The following CSMD1 variants were observed in gnomAD, a reference collection of about 807,000 sequenced individuals.
CSMD1 encodes CUB and Sushi multiple domains 1, also known as CUB and sushi domain-containing protein 1.
In CSMD1, 213 loss-of-function variants were observed where a neutral mutation model predicts 417.5. The observed-to-expected ratio is 0.51, with a 90% CI of 0.46 to 0.57. The LOEUF (loss-of-function observed/expected upper bound fraction) is 0.57. Among genes scored for constraint, CSMD1 ranks in the 20% least tolerant of loss-of-function variants. CSMD1 has a pLI of 0.00. For missense variants in CSMD1, 6,923 were observed against 4,529.7 expected, an observed-to-expected ratio of 1.53 and a Z score of -15.17; for synonymous variants, 2,862 against 1,736.8, an observed-to-expected ratio of 1.65 and a Z score of -16.11.
chr8:4,527,290 A>G (rs1563257860), intron 2 of CSMD1, among the ~76,000 whole-genome samples: 1 of 152,316 alleles, frequency 6.6e-6, no homozygotes, highest in Middle Eastern at 3.4e-3. Flanking sequence ...ATCAGGAATG[A>G]GCTGTGTAGC....
chr8:4,510,865 C>T (rs1802786344), intron 2 of CSMD1, among the ~76,000 whole-genome samples: 1 of 145,848 alleles, frequency 6.9e-6, no homozygotes, highest in African/African-American at 2.5e-5. Context: ...CCTTCCCTTC[C>T]CTTCCTTCCT....
Position 2,935,607 on chromosome 8 carries a change from CTACAT to C in CSMD1, c.*2973_*2977del, listed in dbSNP as rs1412902157. The C allele has an allele frequency of 5.3e-5, 8 of 151,914 alleles. No individual in the cohort carries two copies. Among genetic ancestry groups the C allele is most frequent in the African/African-American group, 1.9e-4 (8 of 41,328 alleles). 9.4% of individuals were successfully genotyped at this position (151,914 alleles called of 1,614,324 possible). On this transcript the variant is annotated 3_prime_UTR_variant, in exon 70 of 70. Transcript: ENST00000635120. ...AAACATTTATTTTTTAACAATGTAC[CTACAT>C]TAATCAAAAAATTACAGCATATTTA...
At chr8:3,109,997 G>A (rs1816396116) in intron 43 of CSMD1, among the ~76,000 whole-genome samples, 161 bp downstream of exon 43, 1 of 152,128 alleles carries the variant, frequency 6.6e-6, no homozygotes, top group African/African-American at 2.4e-5. Context: ...TGTACTATGT[G>A]AAATTGATTC....
At chr8:4,787,905 A>T in intron 1 of CSMD1, 1 of 1,587,082 alleles carries the variant, frequency 6.3e-7, no homozygotes, top group Non-Finnish European at 8.6e-7. Context: ...GTGTTGATGT[A>T]ACCACAAAGA....
chr8:4,206,834 T>G (rs1427371477), intron 3 of CSMD1, among the ~76,000 whole-genome samples: 2 of 152,208 alleles, frequency 1.3e-5, no homozygotes, highest in Non-Finnish European at 2.9e-5. Flanking sequence ...AGTGATTATT[T>G]TGTGGGCTCC....
At chr8:3,953,478 G>A (rs943429305) in intron 5 of CSMD1, among the ~76,000 whole-genome samples, 5 of 152,114 alleles carry the variant, frequency 3.3e-5, no homozygotes, top group Admixed American at 6.5e-5. Flanking sequence ...CACAGAGAGA[G>A]GTGTATGGGC....
intron 5 of CSMD1, among the ~76,000 whole-genome samples, chr8:3,987,070 T>A (rs1255850708): frequency 6.6e-6 from 1 of 152,212 alleles, no homozygotes; most frequent in Non-Finnish European, 1.5e-5. Flanking sequence ...GTTAAAGTGA[T>A]TTCTATCATT....
chr8:3,170,320 G>A (rs1008531930), intron 37 of CSMD1, among the ~76,000 whole-genome samples: 5 of 152,090 alleles, frequency 3.3e-5, no homozygotes, highest in Admixed American at 6.6e-5. Context: ...CCATTCTCCC[G>A]CCTCAGCCTC....
At chr8:4,266,548 C>A (rs1804236269) in intron 3 of CSMD1, among the ~76,000 whole-genome samples, 1 of 104,538 alleles carries the variant, frequency 9.6e-6, no homozygotes, top group African/African-American at 2.6e-5. Flanking sequence ...GCCTCATATC[C>A]TTCCTTCAGA....
chr8:3,222,802 G>C (rs1373117225), intron 28 of CSMD1, among the ~76,000 whole-genome samples: 2 of 152,154 alleles, frequency 1.3e-5, no homozygotes, highest in Non-Finnish European at 2.9e-5. Flanking sequence ...TTCAGGAAAA[G>C]ATGACTATCA....
chr8:4,557,261 A>G (rs891909801), intron 2 of CSMD1, among the ~76,000 whole-genome samples: 1 of 152,194 alleles, frequency 6.6e-6, no homozygotes, highest in Admixed American at 6.5e-5. Context: ...CTTAGCTCTT[A>G]CAAGCTAAAG....
chr8:3,820,680 A>T (rs1801684244), intron 5 of CSMD1, among the ~76,000 whole-genome samples: 1 of 152,146 alleles, frequency 6.6e-6, no homozygotes, highest in African/African-American at 2.4e-5. Flanking sequence ...GGTTTGAGCT[A>T]TTCTCTTGCC....
chr8:3,642,310 A>C (rs1797346592), intron 7 of CSMD1, among the ~76,000 whole-genome samples: 1 of 152,180 alleles, frequency 6.6e-6, no homozygotes, highest in Non-Finnish European at 1.5e-5. Context: ...AGAAAGAGTG[A>C]AAAGAACTTG....
chr8:3,891,748 T>G (rs1427587191), intron 5 of CSMD1, among the ~76,000 whole-genome samples: 1 of 152,136 alleles, frequency 6.6e-6, no homozygotes, highest in African/African-American at 2.4e-5. Flanking sequence ...TAACACTGAC[T>G]GGAGACTGAA....
At chr8:4,447,433 C>A (rs1486252395) in intron 2 of CSMD1, among the ~76,000 whole-genome samples, 3 of 152,122 alleles carry the variant, frequency 2.0e-5, no homozygotes, top group African/African-American at 7.2e-5. Flanking sequence ...TTTGTCTGGA[C>A]CCAGAGGAAG....
intron 5 of CSMD1, among the ~76,000 whole-genome samples, chr8:3,850,481 G>A (rs1357266115): frequency 6.6e-6 from 1 of 152,120 alleles, no homozygotes; most frequent in African/African-American, 2.4e-5. Context: ...GATAACTTGA[G>A]GTCAAGAGTT....
At chr8:4,325,496 G>C (rs774587090) in intron 3 of CSMD1, among the ~76,000 whole-genome samples, 1 of 152,166 alleles carries the variant, frequency 6.6e-6, no homozygotes, top group Non-Finnish European at 1.5e-5. Context: ...GCTGAAGTTT[G>C]TCTGCTCATT....
chr8:3,331,237 C>CAAAAAAAAAA (rs112278319), intron 23 of CSMD1, among the ~76,000 whole-genome samples: 5 of 128,508 alleles, frequency 3.9e-5, no homozygotes, highest in African/African-American at 9.6e-5. Context: ...GACTCCGTCT[C>CAAAAAAAAAA]AAAAAAAAAA....
At chr8:4,001,032 G>A (rs188448600) in intron 4 of CSMD1, among the ~76,000 whole-genome samples, 116 of 138,496 alleles carry the variant, frequency 8.4e-4, no homozygotes, top group African/African-American at 2.7e-3. Context: ...CCCTTTCAAT[G>A]TTTCAGAGGG....
Sources: gnomAD v4.1 joint callset for allele counts (sites outside exome capture counted in the v4.1 genomes callset) on GRCh38, gnomAD v4.1.1 for gene constraint, MANE v1.5 for transcripts, NCBI Gene and HGNC (gene_info 2026-07-23, HGNC 2026-07-21) for gene names.